COPS3: variants seen among roughly 807,000 people sequenced by gnomAD.
The protein encoded by COPS3 is COP9 signalosome subunit 3.
In COPS3, 10 loss-of-function variants were observed where a neutral mutation model predicts 58.2. The observed-to-expected ratio is 0.17, with a 90% confidence interval of 0.11 to 0.29. The LOEUF (loss-of-function observed/expected upper bound fraction) is 0.29, where lower values mean the gene tolerates loss of function less well. Ranked by LOEUF, COPS3 falls within the 10% of genes least tolerant of loss-of-function variation. The pLI, the probability that COPS3 is intolerant of heterozygous loss-of-function variation, is 1.00. For synonymous variants in COPS3, 187 were observed against 181.7 expected, an observed-to-expected ratio of 1.03 and a Z score of -0.24; for missense variants, 333 against 510.1, an observed-to-expected ratio of 0.65 and a Z score of 3.34.
intron 4 of COPS3, among the ~76,000 whole-genome samples, chr17:17,270,147 ACT>A (rs746170556): frequency 1.5e-4 from 22 of 148,004 alleles, no homozygotes; most frequent in Non-Finnish European, 2.6e-4. Flanking sequence ...TCAGAGCGAG[ACT>A]CTGTCTCCAA....
intron 1 of COPS3, among the ~76,000 whole-genome samples, chr17:17,279,008 G>A (rs954775656): frequency 6.6e-6 from 1 of 151,586 alleles, no homozygotes; most frequent in South Asian, 2.1e-4. Context: ...CCGAGTAGCT[G>A]AGATTACAGG....
chr17:17,249,348 T>G (rs1315418826), intron 9 of COPS3, among the ~76,000 whole-genome samples: 1 of 151,780 alleles, frequency 6.6e-6, no homozygotes, highest in Non-Finnish European at 1.5e-5. Flanking sequence ...TTATTTGAGA[T>G]GGAGTCTCGC....
chr17:17,255,297 C>T (rs1272766207), intron 8 of COPS3, among the ~76,000 whole-genome samples: 2 of 145,422 alleles, frequency 1.4e-5, no homozygotes, highest in African/African-American at 5.0e-5. Flanking sequence ...GAGACTCTGT[C>T]TCAAAACAAA....
At position 17,261,897 on chromosome 17, in the gene COPS3, G is replaced by C. The variant is rs557665110; in HGVS notation, c.762+69C>G. Reference sequence around the variant, plus strand: ...CAGTATAAAACGAAGTTACAGAACTGTATCATTGCAATTTCTTTATATACT... The same window carrying C: ...CAGTATAAAACGAAGTTACAGAACTCTATCATTGCAATTTCTTTATATACT... On this transcript the variant is annotated intron_variant, in intron 7 of 11. Transcript: ENST00000268717. 2.5e-5 allele frequency: 34 copies of C among 1,375,060 alleles called. No homozygotes were observed. The East Asian group carries it at 7.7e-4, about 31-fold the overall frequency. 85.2% of individuals were successfully genotyped at this position (1,375,060 alleles called of 1,614,324 possible).
chr17:17,276,250 G>A, intron 1 of COPS3, 86 bp from the exon 2 acceptor site: 4 of 1,540,138 alleles, frequency 2.6e-6, no homozygotes, highest in Non-Finnish European at 2.7e-6. Flanking sequence ...GTACTTCAGA[G>A]CCTGAAGTTC....
intron 6 of COPS3, among the ~76,000 whole-genome samples, 186 bp from the exon 7 acceptor site, chr17:17,262,292 GCT>G (rs2048118536): frequency 6.6e-6 from 1 of 151,970 alleles, no homozygotes; most frequent in African/African-American, 2.4e-5. Flanking sequence ...ACAGGGTCTC[GCT>G]CTGTCATCTA....
intron 2 of COPS3, among the ~76,000 whole-genome samples, chr17:17,272,333 G>C (rs562373378): frequency 6.6e-6 from 1 of 152,224 alleles, no homozygotes; most frequent in African/African-American, 2.4e-5. Flanking sequence ...TGAGACAGGA[G>C]AATTGCTTGA....
chr17:17,280,842 C>CCAACCTGT, intron 1 of COPS3: 1 of 1,235,146 alleles, frequency 8.1e-7, no homozygotes, highest in East Asian at 3.0e-5. Flanking sequence ...AGTCACGCCC[C>CCAACCTGT]CAAACTGTCA....
chr17:17,269,082 T>A (rs2048290669), intron 4 of COPS3, among the ~76,000 whole-genome samples: 1 of 152,044 alleles, frequency 6.6e-6, no homozygotes, highest in Non-Finnish European at 1.5e-5. Flanking sequence ...CTCAGCCCTT[T>A]GGGAGGCTGA....
intron 2 of COPS3, among the ~76,000 whole-genome samples, chr17:17,271,620 G>C (rs1351299739): frequency 6.6e-6 from 1 of 151,646 alleles, no homozygotes; most frequent in East Asian, 1.9e-4. Flanking sequence ...GGGAGTTCGA[G>C]ACCAGCCTGA....
At chr17:17,271,037 C>T (rs761182334) in intron 2 of COPS3, 29 bp from the exon 3 acceptor site, 6 of 1,456,132 alleles carry the variant, frequency 4.1e-6, no homozygotes, top group Admixed American at 1.7e-5. Context: ...AATCAAATTA[C>T]CCTGATAGTT....
In COPS3 at chr17:17,247,552, C is replaced by T; in HGVS notation, c.1146G>A (p.Lys382=). Residue 382 remains lysine, a synonymous_variant, in exon 11 of 12, where the codon AAG becomes AAA. Transcript: ENST00000268717. ...TCAGCCGCTCATCCAGCTCAATGCA[C>T]TTCAGCATCTGCATGACAGGCACAT... The part of the protein sequence containing the change: ...MLHNIDQEML[K]CIELDERLKA... 6.2e-7 allele frequency: 1 copy of T among 1,614,192 alleles called. No individual in the cohort carries two copies. The highest frequency in any genetic ancestry group is 2.2e-5 in the East Asian group (1 of 44,884).
rs2047736430 is a variant in COPS3 at position 17,246,885 on chromosome 17, A to G, written c.*213T>C. On this transcript the variant is annotated 3_prime_UTR_variant, in exon 12 of 12. Coordinates refer to ENST00000268717, the MANE Select transcript of COPS3 (RefSeq NM_003653.4). The stretch of plus-strand genomic sequence containing the variant: ...CAGTAACAATAATCTGAGGATAAAT[A>G]AATCCACGACAGACTTTAAAGTTTG... 2 of 569,034 alleles carry G rather than the reference A, an allele frequency of 3.5e-6. No individual in the cohort carries two copies. The highest frequency in any genetic ancestry group is 6.1e-5 in the Admixed American group (2 of 32,900). The allele number at this position is 569,034 out of a possible 1,614,324, so 35.2% of individuals were successfully genotyped here.
At chr17:17,279,134 A>G (rs1459086879) in intron 1 of COPS3, among the ~76,000 whole-genome samples, 1 of 152,166 alleles carries the variant, frequency 6.6e-6, no homozygotes, top group Admixed American at 6.5e-5. Context: ...TCGGCCTCCC[A>G]AAGTGCTGGA....
In COPS3 at chr17:17,280,896, C is replaced by T. The variant is rs921708523; in HGVS notation, c.55+236G>A. 1.9e-5 allele frequency: 18 copies of T among 966,434 alleles called. No individual in the cohort carries two copies. In the African/African-American group the frequency reaches 2.7e-4, roughly 14 times the overall value. 59.9% of individuals were successfully genotyped at this position (966,434 alleles called of 1,614,324 possible). A position where few individuals can be genotyped will look rare whatever the true frequency, so the allele number is the denominator to read the frequency against. ...AGGGGCCCAGGCCGGGGGGAGGGGG[C>T]TCCCGGCGGCCCGAGGGAGGGGAGG... On this transcript the variant is annotated intron_variant, in intron 1 of 11. Transcript: ENST00000268717.
At chr17:17,254,332 T>C (rs1378309748) in intron 9 of COPS3, among the ~76,000 whole-genome samples, 1 of 144,010 alleles carries the variant, frequency 6.9e-6, no homozygotes, top group South Asian at 2.2e-4. Context: ...GAAGCACAAA[T>C]AGGACGCAAG....
At chr17:17,251,930 G>A (rs1469176944) in intron 9 of COPS3, among the ~76,000 whole-genome samples, 5 of 152,000 alleles carry the variant, frequency 3.3e-5, no homozygotes, top group East Asian at 1.9e-4. Context: ...TTAGCCAGGC[G>A]TAGTGGTGGG....
chr17:17,254,176 T>C (rs1042034391), intron 9 of COPS3, among the ~76,000 whole-genome samples: 3 of 151,250 alleles, frequency 2.0e-5, no homozygotes, highest in African/African-American at 7.3e-5. Context: ...TGGTGACACA[T>C]ACATGCCTGT....
chr17:17,260,665 T>G, intron 7 of COPS3, 191 bp from the exon 8 acceptor site: 2 of 459,274 alleles, frequency 4.4e-6, no homozygotes, highest in South Asian at 5.2e-5. Context: ...TAACTGAGCG[T>G]GATAGCACAT....
Sources: allele counts gnomAD v4.1 joint callset (sites outside exome capture counted in the v4.1 genomes callset), GRCh38; gene constraint gnomAD v4.1.1; transcripts MANE v1.5; gene names NCBI Gene and HGNC (gene_info 2026-07-23, HGNC 2026-07-21).